ATP2B4: variants seen among roughly 807,000 people sequenced by gnomAD.
The protein encoded by ATP2B4 is plasma membrane calcium-transporting ATPase 4.
A neutral mutation model predicts 110.3 loss-of-function variants in ATP2B4; 39 were observed. The observed-to-expected ratio is 0.35, with a 90% CI of 0.27 to 0.46. The LOEUF (loss-of-function observed/expected upper bound fraction) is 0.46, where lower values mean the gene tolerates loss of function less well. ATP2B4 is among the 20% of genes least tolerant of loss of function. The probability of loss-of-function intolerance (pLI) is 1.00; values close to 1 mark genes in which losing one functional copy is unlikely to be tolerated. For missense variants in ATP2B4, 1,135 were observed against 1,530.9 expected (o/e 0.74, Z 4.32); for synonymous variants, 538 against 571.7 (o/e 0.94, Z 0.84).
At chr1:203,713,906 C>T (rs1030375201) in intron 14 of ATP2B4, among the ~76,000 whole-genome samples, 6 of 152,250 alleles carry the variant, frequency 3.9e-5, no homozygotes, top group East Asian at 1.9e-4. Context: ...CCAGCTGGTA[C>T]GTGGAAATGG....
Position 203,659,463 on chromosome 1 carries a change from GT to G in ATP2B4, c.-464-23276del, listed in dbSNP as rs369904538. Among the ~76,000 whole-genome samples, 22 of 150,324 alleles carry G rather than the reference GT, an allele frequency of 1.5e-4. No individual in the cohort carries two copies. In the East Asian group the frequency reaches 4.4e-3, roughly 30 times the overall value. ...GTGGGAGGATCACTTGAGCCCAGGA[GT>G]TTGAGACCAGCCGAGACCACACAGC... On this transcript the variant is annotated intron_variant, in intron 1 of 20. Transcript: ENST00000357681.
intron 1 of ATP2B4, among the ~76,000 whole-genome samples, chr1:203,667,389 G>A (rs780044131): frequency 5.0e-4 from 76 of 152,350 alleles, no homozygotes; most frequent in Non-Finnish European, 5.6e-4. Context: ...CTAGGGAGTG[G>A]ATATGGGCAG....
Position 203,725,183 on chromosome 1 carries a change from T to C in ATP2B4, c.3132+1195T>C, listed in dbSNP as rs1426615067. On this transcript the variant is annotated intron_variant, in intron 19 of 20. Coordinates refer to ENST00000357681, the MANE Select transcript of ATP2B4 (RefSeq NM_001684.5). ...GAGCCACCGCACCTGGCCCAGCTCT[T>C]GTTGCCCAGGCTGGAGTGCAATGGT... Among the ~76,000 whole-genome samples the C allele has an allele frequency of 7.3e-5, 11 of 151,538 alleles. No individual in the cohort carries two copies. The East Asian group carries it at 2.1e-3, about 29-fold the overall frequency.
intron 20 of ATP2B4, among the ~76,000 whole-genome samples, chr1:203,728,700 A>T (rs1666597363): frequency 6.6e-6 from 1 of 152,044 alleles, no homozygotes; most frequent in South Asian, 2.1e-4. Context: ...TCTACTAAAA[A>T]TCCAAAATTA....
intron 2 of ATP2B4, among the ~76,000 whole-genome samples, chr1:203,690,304 T>C (rs537686862): frequency 1.3e-5 from 2 of 152,314 alleles, no homozygotes; most frequent in South Asian, 2.1e-4. Flanking sequence ...AAATTTCTAG[T>C]AGTATTGTCA....
intron 6 of ATP2B4, 142 bp from the exon 7 acceptor site, chr1:203,701,902 G>A: frequency 2.6e-6 from 2 of 767,776 alleles, no homozygotes; most frequent in Non-Finnish European, 4.2e-6. Flanking sequence ...AGAGATGTGA[G>A]CTTCCTTTAC....
intron 1 of ATP2B4, among the ~76,000 whole-genome samples, chr1:203,667,423 G>C (rs12568960): frequency 6.6e-6 from 1 of 152,214 alleles, no homozygotes; most frequent in South Asian, 2.1e-4. Flanking sequence ...TCTGGAGTAA[G>C]GTTCTGGAGT....
Position 203,700,216 on chromosome 1 carries a change from G to A in ATP2B4, c.660G>A (p.Leu220=). ...DIAQVKYGDL[L]PADGILIQGN... is the part of the protein sequence containing the mutation. ...CCCTTTGTGCTCTAGGTGATCTGCTGCCTGCAGATGGAATCCTGATCCAAG... is the reference window on the plus strand; with the variant it reads ...CCCTTTGTGCTCTAGGTGATCTGCTACCTGCAGATGGAATCCTGATCCAAG... Residue 220 remains leucine (L), a synonymous_variant, in exon 5 of 21, where the codon CTG becomes CTA. Transcript: ENST00000357681. 1 of 1,613,344 alleles carries A rather than the reference G, an allele frequency of 6.2e-7. No individual in the cohort carries two copies. Among genetic ancestry groups the A allele is most frequent in the Non-Finnish European group, 8.5e-7 (1 of 1,179,536 alleles).
At chr1:203,681,690 C>G (rs1443390877) in intron 1 of ATP2B4, among the ~76,000 whole-genome samples, 1 of 152,056 alleles carries the variant, frequency 6.6e-6, no homozygotes, top group African/African-American at 2.4e-5. Flanking sequence ...AGTTAGCATG[C>G]GTGAGAGGTA....
chr1:203,667,721 A>G (rs1473029954), intron 1 of ATP2B4, among the ~76,000 whole-genome samples: 10 of 152,200 alleles, frequency 6.6e-5, no homozygotes, highest in Non-Finnish European at 1.5e-4. Context: ...CTTCCCCCGC[A>G]TGAAGGCGAG....
intron 1 of ATP2B4, among the ~76,000 whole-genome samples, chr1:203,661,654 C>G (rs1306633289): frequency 6.6e-6 from 1 of 152,196 alleles, no homozygotes; most frequent in East Asian, 1.9e-4. Flanking sequence ...TTGTCTCCTA[C>G]CACACACAAG....
At chr1:203,668,766 T>C (rs1664579616) in intron 1 of ATP2B4, among the ~76,000 whole-genome samples, 1 of 152,202 alleles carries the variant, frequency 6.6e-6, no homozygotes, top group African/African-American at 2.4e-5. Flanking sequence ...CACTGTGGAC[T>C]AGGACAGGAC....
At chr1:203,641,855 G>A (rs1233262217) in intron 1 of ATP2B4, among the ~76,000 whole-genome samples, 2 of 152,060 alleles carry the variant, frequency 1.3e-5, no homozygotes, top group Non-Finnish European at 2.9e-5. Flanking sequence ...AATGGTCTTC[G>A]CCTTGCTCAT....
chr1:203,692,724 T>C (rs1310437757), intron 2 of ATP2B4, among the ~76,000 whole-genome samples: 2 of 152,216 alleles, frequency 1.3e-5, no homozygotes, highest in African/African-American at 4.8e-5. Context: ...CCTCTGCCGA[T>C]GTCGTTGGCC....
chr1:203,720,405 G>A, intron 15 of ATP2B4, 144 bp from the exon 16 acceptor site: 1 of 757,498 alleles, frequency 1.3e-6, no homozygotes, highest in East Asian at 3.0e-5. Flanking sequence ...TAGAGTGACA[G>A]TGACACATTT....
rs541688595 is a variant in ATP2B4, at chr1:203,684,188, C to A, written c.193+790C>A. Among the ~76,000 whole-genome samples, 29 of 152,088 alleles carry A rather than the reference C, an allele frequency of 1.9e-4. 2 individuals are homozygous for A. In the South Asian group the frequency reaches 5.8e-3, roughly 31 times the overall value. ...AAAAAAGTGAATAAGTCCAGCTGCC[C>A]AATTGAGCACTTCTCTATTGTATAC... is the stretch of plus-strand genomic sequence containing the variant. On this transcript the variant is annotated intron_variant, in intron 2 of 20. Coordinates refer to ENST00000357681, the MANE Select transcript of ATP2B4 (RefSeq NM_001684.5).
At position 203,744,019 on chromosome 1, in the gene ATP2B4, T is replaced by C. The variant is rs1011527956; in HGVS notation, c.*4165T>C. The C allele has an allele frequency of 1.8e-4, 27 of 152,628 alleles. No individual in the cohort carries two copies. Among genetic ancestry groups the C allele is most frequent in the African/African-American group, 6.3e-4 (26 of 41,440 alleles). The allele number at this position is 152,628 out of a possible 1,614,324, so 9.5% of individuals were successfully genotyped here. The stretch of plus-strand genomic sequence containing the variant: ...AATTTGTTGGAGCCAATAAAGCTTT[T>C]TGCTGATGAACAGAAACCAATACTG... On this transcript the variant is annotated 3_prime_UTR_variant, in exon 21 of 21. Transcript: ENST00000357681.
At chr1:203,664,338 T>A (rs1664438960) in intron 1 of ATP2B4, among the ~76,000 whole-genome samples, 1 of 152,054 alleles carries the variant, frequency 6.6e-6, no homozygotes, top group African/African-American at 2.4e-5. Context: ...GACTGGAAAG[T>A]ATAGGAACAC....
intron 2 of ATP2B4, among the ~76,000 whole-genome samples, chr1:203,690,596 G>C (rs993866816): frequency 1.8e-4 from 27 of 152,118 alleles, no homozygotes; most frequent in Non-Finnish European, 3.5e-4. Flanking sequence ...CCTATCTTTA[G>C]AGCTTATAGT....
Sources: gnomAD v4.1 joint callset for allele counts (sites outside exome capture counted in the v4.1 genomes callset) on GRCh38, gnomAD v4.1.1 for gene constraint, MANE v1.5 for transcripts, NCBI Gene and HGNC (gene_info 2026-07-23, HGNC 2026-07-21) for gene names.